Variants in CUBN observed in about 807,000 individuals in gnomAD.
The protein encoded by CUBN is 460 kDa receptor.
In CUBN, 282 loss-of-function variants were observed where a neutral mutation model predicts 405.3. That is an observed-to-expected ratio of 0.70 (90% CI 0.63 to 0.77). CUBN has a LOEUF of 0.77. CUBN is among the 30% of genes least tolerant of loss of function. CUBN has a pLI of 0.00. For missense variants in CUBN, 4,514 were observed against 4,475.2 expected (o/e 1.01, Z -0.25); for synonymous variants, 1,684 against 1,617.0 (o/e 1.04, Z -0.99).
chr10:16,914,976 T>C, intron 47 of CUBN, 56 bp downstream of exon 47: 1 of 1,444,912 alleles, frequency 6.9e-7, no homozygotes, highest in Non-Finnish European at 9.7e-7. Context: ...GTGCCTAGCA[T>C]AGTGTCTGTC....
At chr10:17,060,558 T>G (rs1241192804) in intron 22 of CUBN, among the ~76,000 whole-genome samples, 2 of 152,216 alleles carry the variant, frequency 1.3e-5, no homozygotes, top group Non-Finnish European at 2.9e-5. Context: ...ATAAACGAAC[T>G]GAGCAGAGAA....
Position 16,828,952 on chromosome 10 carries a change from C to G in CUBN, c.10617G>C (p.Trp3539Cys). The G allele has an allele frequency of 6.2e-7, 1 of 1,614,030 alleles. No homozygotes were observed. Among genetic ancestry groups the G allele is most frequent in the Non-Finnish European group, 8.5e-7 (1 of 1,180,014 alleles). The stretch of plus-strand genomic sequence containing the variant: ...GCCTTCCAGCAGGAGCAACAAGGAC[C>G]CACTCGCAGTACGTGTTGTTTGGGT... ...GTYPNNTYCE[W>C]VLVAPAGRLV... Residue 3539 changes from tryptophan (W) to cysteine (C), a missense_variant, in exon 66 of 67, where the codon TGG becomes TGC. Coordinates refer to ENST00000377833, the MANE Select transcript of CUBN (RefSeq NM_001081.4).
At position 17,084,289 on chromosome 10, in the gene CUBN, A is replaced by G; in HGVS notation, c.2283T>C (p.Ser761=). 6.2e-7 allele frequency: 1 copy of G among 1,614,104 alleles called. No homozygotes were observed. The highest frequency in any genetic ancestry group is 8.5e-7 in the Non-Finnish European group (1 of 1,180,022). The change falls in exon 17 of 67, where the codon AGT becomes AGC. Residue 761 remains serine, a synonymous_variant. Coordinates refer to ENST00000377833, the MANE Select transcript of CUBN (RefSeq NM_001081.4). ...AAGTTACCTCAATGTAATTCTGAGA[A>G]CTGTCACTCTGGCATTGCAGCTCCA... ...THVELQCQSD[S]SQNYIEVRDG... is the part of the protein sequence containing the mutation.
intron 31 of CUBN, among the ~76,000 whole-genome samples, chr10:16,977,088 A>T (rs1317138816): frequency 6.6e-6 from 1 of 152,020 alleles, no homozygotes; most frequent in Non-Finnish European, 1.5e-5. Flanking sequence ...CTCATATTAC[A>T]TCTCATTTTT....
At chr10:17,044,211 T>C (rs1203125756) in intron 25 of CUBN, among the ~76,000 whole-genome samples, 1 of 146,540 alleles carries the variant, frequency 6.8e-6, no homozygotes, top group African/African-American at 2.5e-5. Flanking sequence ...ATTCAACACA[T>C]ATGTTTATAT....
At chr10:16,982,367 T>C (rs960144323) in intron 31 of CUBN, 117 bp downstream of exon 31, 25 of 902,942 alleles carry the variant, frequency 2.8e-5, no homozygotes, top group Non-Finnish European at 4.3e-5. Flanking sequence ...ATAGTTTGGT[T>C]TCCTATGAAT....
intron 27 of CUBN, among the ~76,000 whole-genome samples, chr10:17,038,184 C>A (rs964795411): frequency 2.6e-5 from 4 of 152,202 alleles, no homozygotes; most frequent in Non-Finnish European, 5.9e-5. Context: ...CCTGGGCTTC[C>A]TATACATCTC....
chr10:17,017,243 C>A (rs1427157853), intron 28 of CUBN, among the ~76,000 whole-genome samples: 6 of 152,160 alleles, frequency 3.9e-5, no homozygotes, highest in Non-Finnish European at 8.8e-5. Context: ...AACGCAGCAG[C>A]AGAAACACTA....
At chr10:17,110,527 T>C (rs998496587) in intron 9 of CUBN, among the ~76,000 whole-genome samples, 5 of 152,072 alleles carry the variant, frequency 3.3e-5, no homozygotes, top group African/African-American at 1.2e-4. Context: ...AGAAATAATA[T>C]TTTATTTTTT....
At chr10:17,051,616 C>A (rs1050738244) in intron 22 of CUBN, among the ~76,000 whole-genome samples, 1 of 151,660 alleles carries the variant, frequency 6.6e-6, no homozygotes, top group Admixed American at 6.6e-5. Context: ...TTAAAAGGAA[C>A]CATGAAAATT....
chr10:16,952,325 A>G lies in CUBN; in HGVS notation c.4920T>C (p.Asn1640=). 1 of 1,614,000 alleles carries G rather than the reference A, an allele frequency of 6.2e-7. No homozygotes were observed. The highest frequency in any genetic ancestry group is 8.5e-7 in the Non-Finnish European group (1 of 1,179,930). Residue 1640 remains asparagine (N), a synonymous_variant, in exon 33 of 67, where the codon AAT becomes AAC. Coordinates refer to ENST00000377833, the MANE Select transcript of CUBN (RefSeq NM_001081.4). The part of the protein sequence containing the change: ...DTVSSPRFPA[N]YPNNQNCSWI... ...AGCTGCAGTTCTGATTGTTTGGATA[A>G]TTGGCAGGGAACCGTGGAGAGGAAA...
intron 23 of CUBN, among the ~76,000 whole-genome samples, chr10:17,046,304 C>T (rs1835130851): frequency 6.6e-6 from 1 of 152,136 alleles, no homozygotes; most frequent in African/African-American, 2.4e-5. Flanking sequence ...GAATAACCAT[C>T]ATTCATAGCT....
chr10:16,937,579 T>G lies in CUBN; in HGVS notation c.5926+13A>C. On this transcript the variant is annotated intron_variant, in intron 39 of 66. Transcript: ENST00000377833. ...TCAGTCCTAAAAAGAACTTCATTTA[T>G]TACCAAACACACCTGGAGCAATGGT... 2 of 1,612,526 alleles carry G rather than the reference T, an allele frequency of 1.2e-6. No homozygotes were observed. Among genetic ancestry groups the G allele is most frequent in the Non-Finnish European group, 1.7e-6 (2 of 1,178,770 alleles).
chr10:17,027,877 C>T (rs1014801238), intron 27 of CUBN, among the ~76,000 whole-genome samples: 1 of 152,194 alleles, frequency 6.6e-6, no homozygotes, highest in East Asian at 1.9e-4. Flanking sequence ...ATTAATTAGG[C>T]TAATTATTTA....
intron 22 of CUBN, among the ~76,000 whole-genome samples, chr10:17,064,812 G>C (rs1835576946): frequency 6.6e-6 from 1 of 152,120 alleles, no homozygotes; most frequent in African/African-American, 2.4e-5. Flanking sequence ...TAGTAATAAT[G>C]AGAAATTAAG....
chr10:16,825,081 T>C lies in CUBN; in HGVS notation c.10766A>G (p.Asp3589Gly). 1 of 1,609,710 alleles carries C rather than the reference T, an allele frequency of 6.2e-7. No individual in the cohort carries two copies. Among genetic ancestry groups the C allele is most frequent in the Non-Finnish European group, 8.5e-7 (1 of 1,176,428 alleles). The change falls in exon 67 of 67, where the codon GAC (aspartate) becomes GGC (glycine). Residue 3589 changes from aspartate (D) to glycine (G), a missense_variant and splice_region_variant. Transcript: ENST00000377833. ...AGCCACGAAGGGAGCTATGCTGGTGTCCTAAAATTGAAAAAAAAAGTATCC... is the reference window on the plus strand; with the variant it reads ...AGCCACGAAGGGAGCTATGCTGGTGCCCTAAAATTGAAAAAAAAAGTATCC... ...SPSSGPYCGGDTSIAPFVASS... is the reference protein window; with the variant it reads ...SPSSGPYCGGGTSIAPFVASS...
rs1554788544 is a variant in CUBN, at chr10:16,889,935, C to CAAAAAAAAAAAAAAAAAAAA, written c.8755+435_8755+436insTTTTTTTTTTTTTTTTTTTT. Among the ~76,000 whole-genome samples the CAAAAAAAAAAAAAAAAAAAA allele has an allele frequency of 3.1e-3, 62 of 19,900 alleles. 20 individuals are homozygous for CAAAAAAAAAAAAAAAAAAAA. The highest frequency in any genetic ancestry group is 0.011 in the African/African-American group (55 of 4,826). The allele number at this position is 19,900 out of a possible 152,430, so 13.1% of individuals were successfully genotyped here. A position where few individuals can be genotyped will look rare whatever the true frequency, so the allele number is the denominator to read the frequency against. On this transcript the variant is annotated intron_variant, in intron 55 of 66. Coordinates refer to ENST00000377833, the MANE Select transcript of CUBN (RefSeq NM_001081.4). Reference sequence around the variant, plus strand: ...CTGGCGACAGAGTGAGACGCCGTGTCAAAAAAAAAAAAAAAAAACAGGAAA... The same window carrying CAAAAAAAAAAAAAAAAAAAA: ...CTGGCGACAGAGTGAGACGCCGTGTCAAAAAAAAAAAAAAAAAAAAAAAAAAAAAAAAAAAAAACAGGAAA...
chr10:16,948,520 T>C lies in CUBN; in HGVS notation c.5167A>G (p.Ser1723Gly), dbSNP rs975995944. Reference sequence around the variant, plus strand: ...ACCGTGGTGTGGAAACCCCCAGCACTGATGCTAGAATCAGAGACGAATCTC... The same window carrying C: ...ACCGTGGTGTGGAAACCCCCAGCACCGATGCTAGAATCAGAGACGAATCTC... ...TLRFVSDSSI[S>G]AGGFHTTVTA... Residue 1723 changes from serine (S) to glycine (G), a missense_variant, in exon 35 of 67, where the codon AGT (serine) becomes GGT (glycine). By Grantham distance (56) the Ser-to-Gly change is moderately conservative (BLOSUM62 0). Transcript: ENST00000377833. The C allele has an allele frequency of 3.1e-6, 5 of 1,613,940 alleles. No individual in the cohort carries two copies. Among genetic ancestry groups the C allele is most frequent in the Non-Finnish European group, 1.7e-6 (2 of 1,179,986 alleles).
intron 28 of CUBN, among the ~76,000 whole-genome samples, chr10:16,999,907 G>C (rs886678907): frequency 6.6e-6 from 1 of 152,146 alleles, no homozygotes; most frequent in Admixed American, 6.5e-5. Context: ...CCTCTGCAGG[G>C]AGAGGACTCC....
Sources: gnomAD v4.1 joint callset for allele counts (sites outside exome capture counted in the v4.1 genomes callset) on GRCh38, gnomAD v4.1.1 for gene constraint, MANE v1.5 for transcripts, NCBI Gene and HGNC (gene_info 2026-07-23, HGNC 2026-07-21) for gene names.